Variants in P2RX1 observed in about 807,000 individuals in gnomAD.
P2RX1 encodes the protein P2X purinoceptor 1.
In P2RX1, 42 loss-of-function variants were observed where a neutral mutation model predicts 50.3. The observed-to-expected ratio is 0.83, with a 90% confidence interval of 0.65 to 1.08. The LOEUF (loss-of-function observed/expected upper bound fraction) is 1.08, where lower values mean the gene tolerates loss of function less well. Among genes scored for constraint, P2RX1 ranks in the 50% least tolerant of loss-of-function variants. P2RX1 has a pLI of 0.00. For synonymous variants in P2RX1, 199 were observed against 202.6 expected (o/e 0.98, Z 0.15); for missense variants, 449 against 529.0 (o/e 0.85, Z 1.48).
At chr17:3,899,848 C>A in intron 7 of P2RX1, 87 bp from the exon 8 acceptor site, 1 of 1,539,178 alleles carries the variant, frequency 6.5e-7, no homozygotes, top group African/African-American at 1.4e-5. Context: ...CACCTGTAAT[C>A]CCAGCACTTT....
intron 1 of P2RX1, among the ~76,000 whole-genome samples, chr17:3,907,468 C>A (rs2056289237): frequency 6.6e-6 from 1 of 152,120 alleles, no homozygotes; most frequent in African/African-American, 2.4e-5. Context: ...GGACTCCCTG[C>A]TCCTTCCCCC....
At chr17:3,906,045 C>G (rs1007366784) in intron 1 of P2RX1, among the ~76,000 whole-genome samples, 3 of 152,182 alleles carry the variant, frequency 2.0e-5, no homozygotes, top group African/African-American at 7.2e-5. Context: ...GGTCTAAATC[C>G]CAGCTCCATA....
At chr17:3,899,150 C>A (rs1475214576) in intron 8 of P2RX1, 126 bp from the exon 9 acceptor site, 2 of 725,150 alleles carry the variant, frequency 2.8e-6, no homozygotes, top group Admixed American at 2.0e-5. Flanking sequence ...CAACACCGGG[C>A]AGGATCCCAG....
chr17:3,897,993 CG>C lies in P2RX1; in HGVS notation c.1134+15del, dbSNP rs762714793. On this transcript the variant is annotated intron_variant, in intron 11 of 11. Transcript: ENST00000225538. ...CCGGAGGCCTTCGAAGGGCCTGGCT[CG>C]GGGGGTTCTCTTACCGCCCCTGGCC... is the stretch of plus-strand genomic sequence containing the variant. 5.0e-6 allele frequency: 8 copies of C among 1,612,670 alleles called. No individual in the cohort carries two copies. In the African/African-American group the frequency reaches 5.3e-5, roughly 11 times the overall value.
At chr17:3,906,545 G>T (rs2056267991) in intron 1 of P2RX1, among the ~76,000 whole-genome samples, 1 of 152,240 alleles carries the variant, frequency 6.6e-6, no homozygotes, top group Non-Finnish European at 1.5e-5. Context: ...TTATGATCCA[G>T]CCATGCTGGG....
chr17:3,905,491 G>C (rs1802115896), intron 1 of P2RX1, 124 bp from the exon 2 acceptor site: 3 of 1,144,416 alleles, frequency 2.6e-6, no homozygotes, highest in East Asian at 4.9e-5. Flanking sequence ...TCCTGTCTTG[G>C]GCTAGAGGCA....
In P2RX1 at chr17:3,897,713, T is replaced by A; in HGVS notation, c.*101A>T. The A allele has an allele frequency of 9.7e-7, 1 of 1,033,600 alleles. No homozygotes were observed. The highest frequency in any genetic ancestry group is 1.3e-5 in the South Asian group (1 of 75,114). The allele number at this position is 1,033,600 out of a possible 1,614,324, so 64.0% of individuals were successfully genotyped here. A position where few individuals can be genotyped will look rare whatever the true frequency, so the allele number is the denominator to read the frequency against. ...ACTGCTCTCTGCCTGGCTGAGAGGG[T>A]AGGAGACTTCCTGGGGAGGCCCCTC... On this transcript the variant is annotated 3_prime_UTR_variant, in exon 12 of 12. Transcript: ENST00000225538.
chr17:3,904,540 C>T, intron 3 of P2RX1, 141 bp from the exon 4 acceptor site: 1 of 767,986 alleles, frequency 1.3e-6, no homozygotes, highest in Non-Finnish European at 2.2e-6. Context: ...TCACAGCCTC[C>T]TTCCCCCATT....
chr17:3,901,357 G>A (rs9914406), intron 7 of P2RX1, among the ~76,000 whole-genome samples: 5,483 of 152,246 alleles, frequency 0.036, 341 homozygotes, highest in African/African-American at 0.12. Context: ...GTGAGCCACC[G>A]CACCCAGCCC....
rs564373883 is a variant in P2RX1, at chr17:3,914,887, G to T, written c.137+1202C>A. ...AGTTTCTGAACAAGAGAGAGGAGAGGTCAAGGCTGGGGTCTGGCCCTGGGT... is the reference window on the plus strand; with the variant it reads ...AGTTTCTGAACAAGAGAGAGGAGAGTTCAAGGCTGGGGTCTGGCCCTGGGT... On this transcript the variant is annotated intron_variant, in intron 1 of 11. Coordinates refer to ENST00000225538, the MANE Select transcript of P2RX1 (RefSeq NM_002558.4). This position sits in a 1 kb window ranked among gnomAD's most constrained non-coding sequence, Gnocchi z 4.1. Among the ~76,000 whole-genome samples, 1 of 152,318 alleles carries T rather than the reference G, an allele frequency of 6.6e-6. No individual in the cohort carries two copies. Among genetic ancestry groups the T allele is most frequent in the East Asian group, 1.9e-4 (1 of 5,192 alleles).
chr17:3,904,915 G>A lies in P2RX1; in HGVS notation c.300C>T (p.Phe100=), dbSNP rs979043926. 2.3e-6 allele frequency: 3 copies of A among 1,307,136 alleles called. No individual in the cohort carries two copies. In the African/African-American group the frequency reaches 4.6e-5, roughly 20 times the overall value. 81.0% of individuals were successfully genotyped at this position (1,307,136 alleles called of 1,614,324 possible). The change falls in exon 3 of 12, where the codon TTC becomes TTT. Residue 100 remains phenylalanine, a synonymous_variant. Coordinates refer to ENST00000225538, the MANE Select transcript of P2RX1 (RefSeq NM_002558.4). ...YVFPAQGDNS[F]VVMTNFIVTP... The stretch of plus-strand genomic sequence containing the variant: ...TCACGATGAAATTGGTCATGACCAC[G>A]AAGGAGTTGTCCCCCTAGAAGTGAG...
chr17:3,909,207 T>A (rs893246382), intron 1 of P2RX1, among the ~76,000 whole-genome samples: 1 of 152,088 alleles, frequency 6.6e-6, no homozygotes. Context: ...ATTTTTTTTA[T>A]TTTTAGTAGA....
At chr17:3,898,282 G>T (rs2056071048) in intron 10 of P2RX1, among the ~76,000 whole-genome samples, 172 bp from the exon 11 acceptor site, 1 of 151,790 alleles carries the variant, frequency 6.6e-6, no homozygotes. Flanking sequence ...GGACCAAGAT[G>T]GTTCCACCCC....
chr17:3,910,014 C>T (rs112467892), intron 1 of P2RX1, among the ~76,000 whole-genome samples: 3,976 of 148,164 alleles, frequency 0.027, 189 homozygotes, highest in African/African-American at 0.093. Flanking sequence ...TCGCTCTGTC[C>T]CCCAGACTGG....
intron 1 of P2RX1, 111 bp downstream of exon 1, chr17:3,915,978 C>A (rs1245661142): frequency 1.5e-6 from 2 of 1,290,846 alleles, no homozygotes; most frequent in Non-Finnish European, 1.1e-6. Flanking sequence ...AAGGCCTTCC[C>A]CTGGATGGAG....
intron 1 of P2RX1, among the ~76,000 whole-genome samples, chr17:3,907,511 C>T (rs1048343740): frequency 6.6e-6 from 1 of 152,220 alleles, no homozygotes; most frequent in South Asian, 2.1e-4. Context: ...ACTCTCCAGG[C>T]CTCTTAGTCC....
intron 1 of P2RX1, among the ~76,000 whole-genome samples, chr17:3,905,896 A>G (rs2056254613): frequency 6.6e-6 from 1 of 150,932 alleles, no homozygotes; most frequent in African/African-American, 2.4e-5. Flanking sequence ...TAATTCAAAT[A>G]CTCTTTCCAA....
intron 7 of P2RX1, among the ~76,000 whole-genome samples, chr17:3,902,789 G>A (rs901255922): frequency 6.6e-6 from 1 of 151,358 alleles, no homozygotes; most frequent in East Asian, 1.9e-4. Context: ...TGTATTTTTA[G>A]TAGAGAAGGA....
chr17:3,898,206 G>A, intron 10 of P2RX1, 96 bp from the exon 11 acceptor site: 2 of 1,121,822 alleles, frequency 1.8e-6, no homozygotes, highest in Non-Finnish European at 2.7e-6. Context: ...TGAGGCCCTG[G>A]CTGGATCTGA....
Sources: allele counts gnomAD v4.1 joint callset (sites outside exome capture counted in the v4.1 genomes callset), GRCh38; gene constraint gnomAD v4.1.1; non-coding constraint Gnocchi (gnomAD v3.1); transcripts MANE v1.5; gene names NCBI Gene and HGNC (gene_info 2026-07-23, HGNC 2026-07-21).